ACSS3: variants seen among roughly 807,000 people sequenced by gnomAD.
ACSS3 encodes acyl-CoA synthetase short chain family member 3, also known as acyl-CoA synthetase short-chain family member 3, mitochondrial.
Under a neutral mutation model 84.2 loss-of-function variants are expected in ACSS3, and 64 were observed. That is an observed-to-expected ratio of 0.76 (90% confidence interval 0.62 to 0.94). The LOEUF (loss-of-function observed/expected upper bound fraction) is 0.94. Ranked by LOEUF, ACSS3 falls within the 40% of genes least tolerant of loss-of-function variation. The pLI is 0.00. For synonymous variants in ACSS3, 317 were observed against 310.1 expected, an observed-to-expected ratio of 1.02 and a Z score of -0.23; for missense variants, 815 against 867.6, an observed-to-expected ratio of 0.94 and a Z score of 0.76.
rs774703717 is a variant in ACSS3, at chr12:81,134,955, T to A, written c.596T>A (p.Phe199Tyr). ...ARIGAIHSLI[F>Y]GGFASKELSS... ...ATAGGTGCCATCCACAGTCTCATAT[T>A]TGGAGGATTTGCTTCCAAAGAACTA... The change falls in exon 3 of 16, where the codon TTT becomes TAT. Residue 199 changes from phenylalanine (F) to tyrosine (Y), a missense_variant. Coordinates refer to ENST00000548058, the MANE Select transcript of ACSS3 (RefSeq NM_024560.4). 38 of 1,606,974 alleles carry A rather than the reference T, an allele frequency of 2.4e-5. No homozygotes were observed. The highest frequency in any genetic ancestry group is 3.2e-5 in the Non-Finnish European group (38 of 1,176,186).
At chr12:81,127,405 A>C (rs1885174293) in intron 2 of ACSS3, among the ~76,000 whole-genome samples, 1 of 152,148 alleles carries the variant, frequency 6.6e-6, no homozygotes, top group Non-Finnish European at 1.5e-5. Flanking sequence ...CTAAAGAATA[A>C]GTTGTTCATT....
intron 1 of ACSS3, among the ~76,000 whole-genome samples, chr12:81,100,234 T>TTG: frequency 6.6e-6 from 1 of 150,724 alleles, no homozygotes; most frequent in Admixed American, 6.6e-5. Flanking sequence ...TTTTTTTTTT[T>TTG]TTTTTGAGAT....
intron 9 of ACSS3, among the ~76,000 whole-genome samples, chr12:81,206,736 C>A (rs751908447): frequency 2.6e-5 from 4 of 151,964 alleles, no homozygotes; most frequent in African/African-American, 7.2e-5. Flanking sequence ...ATTTGAAAAG[C>A]CAGAGCTTAG....
chr12:81,230,968 A>T, intron 11 of ACSS3, 89 bp from the exon 12 acceptor site: 1 of 971,990 alleles, frequency 1.0e-6, no homozygotes. Context: ...AATTGTAATT[A>T]TCTGTCACAG....
intron 7 of ACSS3, among the ~76,000 whole-genome samples, chr12:81,164,923 A>G (rs1386286433): frequency 6.6e-6 from 1 of 152,206 alleles, no homozygotes; most frequent in African/African-American, 2.4e-5. Context: ...AACTGGACAC[A>G]TCATAGTCCT....
At chr12:81,167,523 T>C (rs771305328) in intron 7 of ACSS3, among the ~76,000 whole-genome samples, 2 of 152,202 alleles carry the variant, frequency 1.3e-5, no homozygotes, top group Middle Eastern at 3.2e-3. Context: ...GAAGGTTCTG[T>C]CTCTTGTTGC....
chr12:81,108,169 A>G (rs954117112), intron 1 of ACSS3, among the ~76,000 whole-genome samples: 1 of 151,926 alleles, frequency 6.6e-6, no homozygotes, highest in Admixed American at 6.6e-5. Flanking sequence ...GCTGTAGGTA[A>G]TCAAATTTGC....
intron 1 of ACSS3, among the ~76,000 whole-genome samples, chr12:81,085,200 T>G (rs1881234533): frequency 6.6e-6 from 1 of 152,230 alleles, no homozygotes; most frequent in Admixed American, 6.5e-5. Context: ...TGTTAATTTT[T>G]TGCTTTTGCT....
At chr12:81,108,897 T>C (rs1464742775) in intron 1 of ACSS3, among the ~76,000 whole-genome samples, 1 of 152,202 alleles carries the variant, frequency 6.6e-6, no homozygotes, top group East Asian at 1.9e-4. Flanking sequence ...TCCATGTATC[T>C]ACATGGTTTC....
At chr12:81,170,931 C>T (rs1490820914) in intron 7 of ACSS3, among the ~76,000 whole-genome samples, 2 of 152,186 alleles carry the variant, frequency 1.3e-5, no homozygotes, top group South Asian at 2.1e-4. Context: ...CATTGAGCCA[C>T]TTTTATTTAC....
intron 13 of ACSS3, among the ~76,000 whole-genome samples, chr12:81,242,697 G>A (rs1447487448): frequency 8.0e-6 from 1 of 124,886 alleles, no homozygotes; most frequent in Non-Finnish European, 1.9e-5. Context: ...TGCAAGGCTG[G>A]TTCAATATAC....
intron 7 of ACSS3, among the ~76,000 whole-genome samples, chr12:81,162,367 GC>G (rs1490023980): frequency 1.3e-5 from 2 of 152,112 alleles, no homozygotes; most frequent in Admixed American, 6.5e-5. Context: ...CTATTGGCAG[GC>G]AAGTCATCCC....
At chr12:81,136,589 A>G (rs1206284036) in intron 3 of ACSS3, among the ~76,000 whole-genome samples, 1 of 152,080 alleles carries the variant, frequency 6.6e-6, no homozygotes, top group East Asian at 1.9e-4. Flanking sequence ...ACATAGTAGG[A>G]TCCAAAAAGG....
intron 11 of ACSS3, among the ~76,000 whole-genome samples, chr12:81,225,848 C>T (rs1011482135): frequency 2.6e-5 from 4 of 151,882 alleles, no homozygotes; most frequent in East Asian, 1.9e-4. Flanking sequence ...TTTGTGTTAA[C>T]GCATAAATAA....
chr12:81,242,119 C>G (rs1430938917), intron 13 of ACSS3, among the ~76,000 whole-genome samples: 2 of 151,796 alleles, frequency 1.3e-5, no homozygotes, highest in Non-Finnish European at 2.9e-5. Flanking sequence ...CTTGTTTTTC[C>G]TCAGGTTTGT....
At chr12:81,205,231 A>T (rs962879006) in intron 9 of ACSS3, among the ~76,000 whole-genome samples, 2 of 152,102 alleles carry the variant, frequency 1.3e-5, no homozygotes, top group African/African-American at 4.8e-5. Context: ...TAAACTATTG[A>T]TTCTAAGGGT....
chr12:81,167,453 C>T (rs1444087142), intron 7 of ACSS3, among the ~76,000 whole-genome samples: 2 of 152,046 alleles, frequency 1.3e-5, no homozygotes, highest in African/African-American at 4.8e-5. Context: ...ATATATAGAA[C>T]AGAAATATAT....
At chr12:81,202,100 A>G (rs1191016959) in intron 9 of ACSS3, among the ~76,000 whole-genome samples, 1 of 152,010 alleles carries the variant, frequency 6.6e-6, no homozygotes, top group Non-Finnish European at 1.5e-5. Flanking sequence ...CAACATGGTG[A>G]AACCTGTCTC....
At chr12:81,164,963 A>G (rs1048143981) in intron 7 of ACSS3, among the ~76,000 whole-genome samples, 7 of 152,178 alleles carry the variant, frequency 4.6e-5, no homozygotes, top group African/African-American at 1.7e-4. Flanking sequence ...GGGAAATAAC[A>G]TTTAAAAAAA....
Sources: gnomAD v4.1 joint callset for allele counts (sites outside exome capture counted in the v4.1 genomes callset) on GRCh38, gnomAD v4.1.1 for gene constraint, MANE v1.5 for transcripts, NCBI Gene and HGNC (gene_info 2026-07-23, HGNC 2026-07-21) for gene names.